The following HSD17B12 variants were observed in gnomAD, a reference collection of about 807,000 sequenced individuals.
HSD17B12 encodes the protein very-long-chain 3-oxoacyl-CoA reductase.
Under a neutral mutation model 39.3 loss-of-function variants are expected in HSD17B12, and 32 were observed. The ratio of observed to expected loss-of-function variants is 0.81; its 90% CI spans 0.61 to 1.09. HSD17B12 has a LOEUF of 1.09. HSD17B12 is among the 50% of genes least tolerant of loss of function. The pLI is 0.00. For synonymous variants in HSD17B12, 150 were observed against 146.7 expected (o/e 1.02, Z -0.16); for missense variants, 342 against 382.9 (o/e 0.89, Z 0.89).
chr11:43,850,717 C>T (rs2135147200), intron 9 of HSD17B12, among the ~76,000 whole-genome samples: 1 of 152,314 alleles, frequency 6.6e-6, no homozygotes, highest in South Asian at 2.1e-4. Flanking sequence ...CTGAATTGTA[C>T]TGTGCAGTCC....
chr11:43,797,537 G>T (rs936358447), intron 3 of HSD17B12, among the ~76,000 whole-genome samples: 5 of 152,216 alleles, frequency 3.3e-5, no homozygotes, highest in African/African-American at 9.6e-5. Context: ...GCAAATATAT[G>T]TGGAAATGAA....
At chr11:43,725,557 G>T (rs1302209002) in intron 1 of HSD17B12, among the ~76,000 whole-genome samples, 1 of 152,160 alleles carries the variant, frequency 6.6e-6, no homozygotes, top group Non-Finnish European at 1.5e-5. Flanking sequence ...ACATAGGCCA[G>T]ATTGAATATT....
chr11:43,797,638 C>T (rs1289354010), intron 3 of HSD17B12, among the ~76,000 whole-genome samples: 1 of 152,222 alleles, frequency 6.6e-6, no homozygotes, highest in Non-Finnish European at 1.5e-5. Context: ...TGTACATTAA[C>T]TCAGATGAGT....
At chr11:43,846,258 G>A (rs1214642904) in intron 9 of HSD17B12, among the ~76,000 whole-genome samples, 2 of 152,246 alleles carry the variant, frequency 1.3e-5, no homozygotes, top group Non-Finnish European at 2.9e-5. Flanking sequence ...AGAGAGGAAA[G>A]AGACTTATAT....
chr11:43,714,075 C>T (rs1456308585), intron 1 of HSD17B12, among the ~76,000 whole-genome samples: 1 of 152,136 alleles, frequency 6.6e-6, no homozygotes, highest in East Asian at 1.9e-4. Context: ...CTGTAGGTTG[C>T]CTGTTCACTC....
At chr11:43,818,214 C>T (rs17599114) in intron 6 of HSD17B12, among the ~76,000 whole-genome samples, 7,345 of 152,084 alleles carry the variant, frequency 0.048, 202 homozygotes, top group Non-Finnish European at 0.054. Flanking sequence ...AGTTGAGGAA[C>T]TTAAATGTTG....
intron 9 of HSD17B12, 200 bp from the exon 10 acceptor site, chr11:43,854,515 G>T: frequency 1.9e-6 from 1 of 534,502 alleles, no homozygotes; most frequent in Non-Finnish European, 3.3e-6. Flanking sequence ...GTTTTATTGA[G>T]AGATTGATTT....
chr11:43,563,146 C>T, the HSD17B12 span, among the ~76,000 whole-genome samples: 1 of 152,158 alleles, frequency 6.6e-6, no homozygotes. Context: ...CTAGCCCCTA[C>T]GGACTTATTA....
chr11:43,582,736 G>A, the HSD17B12 span, among the ~76,000 whole-genome samples: 3 of 152,146 alleles, frequency 2.0e-5, no homozygotes, highest in African/African-American at 7.2e-5. Flanking sequence ...ATTAGGAAAG[G>A]GCTGCAGAGT....
chr11:43,750,780 C>G (rs191028350), intron 1 of HSD17B12, 131 bp from the exon 2 acceptor site: 3 of 526,588 alleles, frequency 5.7e-6, no homozygotes, highest in Non-Finnish European at 1.0e-5. Flanking sequence ...AGATTTGAAC[C>G]GCTGGTATTG....
intron 1 of HSD17B12, among the ~76,000 whole-genome samples, chr11:43,733,570 A>G (rs2134894073): frequency 6.6e-6 from 1 of 152,364 alleles, no homozygotes; most frequent in Non-Finnish European, 1.5e-5. Flanking sequence ...ATTGAGTGAT[A>G]CATTGAATAG....
At chr11:43,839,978 T>A in intron 8 of HSD17B12, 21 bp from the exon 9 acceptor site, 1 of 1,602,868 alleles carries the variant, frequency 6.2e-7, no homozygotes, top group Non-Finnish European at 8.5e-7. Context: ...TGTTTTCTTC[T>A]CACTCCCACT....
At chr11:43,685,322 A>G (rs1210932980) in intron 1 of HSD17B12, among the ~76,000 whole-genome samples, 3 of 152,264 alleles carry the variant, frequency 2.0e-5, no homozygotes, top group South Asian at 2.1e-4. Flanking sequence ...TATAATCACA[A>G]TTTCTGTTTT....
chr11:43,729,808 T>C (rs1173789713), intron 1 of HSD17B12, among the ~76,000 whole-genome samples: 1 of 152,228 alleles, frequency 6.6e-6, no homozygotes. Flanking sequence ...CTTTAACACT[T>C]CCACCTAAAG....
the HSD17B12 span, among the ~76,000 whole-genome samples, chr11:43,628,073 G>A: frequency 6.7e-6 from 1 of 148,914 alleles, no homozygotes. Context: ...AGTTTCCTAT[G>A]TCTTGTTTTT....
intron 6 of HSD17B12, among the ~76,000 whole-genome samples, chr11:43,827,270 G>A (rs1951252620): frequency 6.6e-6 from 1 of 152,044 alleles, no homozygotes; most frequent in Non-Finnish European, 1.5e-5. Flanking sequence ...TTTAATTTGA[G>A]CTTTTGATTG....
At chr11:43,673,276 G>C in the HSD17B12 span, 1 of 151,928 alleles carries the variant, frequency 6.6e-6, no homozygotes, top group Non-Finnish European at 1.5e-5. Flanking sequence ...ATGAATTTTC[G>C]ACTAAATGGG....
chr11:43,854,487 T>C (rs780289861), intron 9 of HSD17B12: 1 of 466,578 alleles, frequency 2.1e-6, no homozygotes, highest in Non-Finnish European at 3.8e-6. Flanking sequence ...TTTAATACTT[T>C]CTCTGGTCTC....
the HSD17B12 span, among the ~76,000 whole-genome samples, chr11:43,620,816 G>A: frequency 6.6e-6 from 1 of 152,154 alleles, no homozygotes; most frequent in Non-Finnish European, 1.5e-5. Flanking sequence ...GAGCTGCACT[G>A]GTTTGCTAAT....
Sources: gnomAD v4.1 joint callset for allele counts (sites outside exome capture counted in the v4.1 genomes callset) on GRCh38, gnomAD v4.1.1 for gene constraint, MANE v1.5 for transcripts, NCBI Gene and HGNC (gene_info 2026-07-23, HGNC 2026-07-21) for gene names.